Variants in NOA1 observed in about 807,000 individuals in gnomAD.
NOA1 encodes the protein nitric oxide associated 1.
A neutral mutation model predicts 58.4 loss-of-function variants in NOA1; 35 were observed. The observed-to-expected ratio is 0.60, with a 90% CI of 0.46 to 0.79. NOA1 has a LOEUF of 0.79. Ranked by LOEUF, NOA1 falls within the 30% of genes least tolerant of loss-of-function variation. NOA1 has a pLI of 0.00. For missense variants in NOA1, 895 were observed against 894.6 expected (o/e 1.00, Z -0.01); for synonymous variants, 397 against 373.4 (o/e 1.06, Z -0.73).
At chr4:56,972,143 C>T (rs530890342) in intron 3 of NOA1, among the ~76,000 whole-genome samples, 86 of 152,306 alleles carry the variant, frequency 5.6e-4, no homozygotes, top group African/African-American at 2.0e-3. Context: ...GCCTGGGCCT[C>T]CCAAAGTGCT....
rs753508779 is a variant in NOA1 at position 56,976,761 on chromosome 4, G to A, written c.825C>T (p.Ala275=). ...GGTGGCCAGGGGCCAGCAGGAGCCC[G>A]GCGCGGGCACAGTCCTCCCACAGTC... ...RERLWEDCAR[A]GLLLAPGHQG... Residue 275 remains alanine (A), a synonymous_variant, in exon 1 of 7, where the codon GCC becomes GCT. Transcript: ENST00000264230. The A allele has an allele frequency of 7.5e-6, 12 of 1,609,558 alleles. No homozygotes were observed. Among genetic ancestry groups the A allele is most frequent in the South Asian group, 2.2e-5 (2 of 90,930 alleles).
chr4:56,964,508 C>T lies in NOA1; in HGVS notation c.1783G>A (p.Glu595Lys), dbSNP rs771193413. ...TLLQIPMGGKERMAGFPPLVA... is the reference protein window; with the variant it reads ...TLLQIPMGGKKRMAGFPPLVA... Reference sequence around the variant, plus strand: ...AGAGGAGGAAATCCTGCCATTCGTTCTTTTCCACCCATTGGAATCTTCCAA... The same window carrying T: ...AGAGGAGGAAATCCTGCCATTCGTTTTTTTCCACCCATTGGAATCTTCCAA... The change falls in exon 6 of 7, where the codon GAA becomes AAA. Residue 595 changes from glutamate to lysine, a missense_variant. Transcript: ENST00000264230. 6.2e-7 allele frequency: 1 copy of T among 1,613,932 alleles called. No homozygotes were observed. Among genetic ancestry groups the T allele is most frequent in the Non-Finnish European group, 8.5e-7 (1 of 1,179,950 alleles).
chr4:56,975,638 G>C (rs563196636), intron 1 of NOA1, among the ~76,000 whole-genome samples: 2 of 152,134 alleles, frequency 1.3e-5, no homozygotes, highest in Non-Finnish European at 2.9e-5. Flanking sequence ...AGCACTTTGG[G>C]ATGCTGAGGC....
At chr4:56,967,363 G>C (rs1721732700) in intron 4 of NOA1, among the ~76,000 whole-genome samples, 2 of 150,246 alleles carry the variant, frequency 1.3e-5, no homozygotes, top group South Asian at 4.2e-4. Context: ...CTGGGCAACA[G>C]AGAGAGATGC....
In NOA1 at chr4:56,977,010, T is replaced by C; in HGVS notation, c.576A>G (p.Leu192=). ...CWLLSHHRRA[L]RLQVSREQYL... ...ACTGCTCGCGGCTCACCTGCAGGCG[T>C]AGAGCGCGCCGGTGGTGCGACAGCA... The change falls in exon 1 of 7, where the codon CTA becomes CTG. Residue 192 remains leucine, a synonymous_variant. Coordinates refer to ENST00000264230, the MANE Select transcript of NOA1 (RefSeq NM_032313.4). 1 of 1,592,648 alleles carries C rather than the reference T, an allele frequency of 6.3e-7. No individual in the cohort carries two copies. Among genetic ancestry groups the C allele is most frequent in the Non-Finnish European group, 8.5e-7 (1 of 1,174,464 alleles).
intron 1 of NOA1, among the ~76,000 whole-genome samples, chr4:56,975,412 C>T (rs923892845): frequency 1.3e-5 from 2 of 150,808 alleles, no homozygotes; most frequent in Non-Finnish European, 3.0e-5. Context: ...GGGCAGATCA[C>T]GTGAGGTCAG....
intron 5 of NOA1, among the ~76,000 whole-genome samples, chr4:56,965,399 C>A (rs1038341508): frequency 6.6e-6 from 1 of 151,970 alleles, no homozygotes; most frequent in Non-Finnish European, 1.5e-5. Flanking sequence ...TTTCTGCCCC[C>A]AAGGAAATCA....
At chr4:56,966,591 A>T (rs1721714401) in intron 5 of NOA1, 29 bp downstream of exon 5, 2 of 1,332,484 alleles carry the variant, frequency 1.5e-6, no homozygotes, top group South Asian at 2.3e-5. Context: ...TACTAACCAT[A>T]ACCATGCAAT....
chr4:56,970,102 C>T (rs1020894883), intron 3 of NOA1, among the ~76,000 whole-genome samples: 7 of 151,980 alleles, frequency 4.6e-5, no homozygotes, highest in African/African-American at 1.7e-4. Flanking sequence ...GAGTTTGAGA[C>T]CAGTCTGGGC....
intron 5 of NOA1, 145 bp from the exon 6 acceptor site, chr4:56,964,671 C>G: frequency 1.1e-6 from 1 of 914,480 alleles, no homozygotes; most frequent in Non-Finnish European, 1.6e-6. Context: ...AACTTGCAAT[C>G]ACTTCTGGGG....
intron 5 of NOA1, among the ~76,000 whole-genome samples, chr4:56,965,608 G>C (rs1275387414): frequency 6.6e-6 from 1 of 151,104 alleles, no homozygotes; most frequent in Non-Finnish European, 1.5e-5. Flanking sequence ...TTGGTGGAAA[G>C]ATATTTTCGG....
chr4:56,974,747 C>T (rs1721870164), intron 1 of NOA1, among the ~76,000 whole-genome samples: 1 of 151,740 alleles, frequency 6.6e-6, no homozygotes, highest in Admixed American at 6.6e-5. Flanking sequence ...GCGTCTTGCT[C>T]TGTTGCCCAG....
chr4:56,965,853 T>TTTTTTTTG (rs1560463381), intron 5 of NOA1, among the ~76,000 whole-genome samples: 3 of 148,264 alleles, frequency 2.0e-5, no homozygotes, highest in African/African-American at 5.0e-5. Flanking sequence ...TTTTTTTTTT[T>TTTTTTTTG]AGAGACAGGG....
At chr4:56,968,601 G>A in intron 3 of NOA1, 86 bp from the exon 4 acceptor site, 1 of 1,140,548 alleles carries the variant, frequency 8.8e-7, no homozygotes, top group Non-Finnish European at 1.2e-6. Context: ...AAAAAGTGAT[G>A]AAAAATATGC....
intron 5 of NOA1, among the ~76,000 whole-genome samples, chr4:56,965,968 C>A (rs1721696494): frequency 6.7e-6 from 1 of 148,558 alleles, no homozygotes; most frequent in African/African-American, 2.5e-5. Flanking sequence ...TCTCGAGGAG[C>A]TGGGATTACA....
At chr4:56,975,793 TG>T (rs1370456743) in intron 1 of NOA1, among the ~76,000 whole-genome samples, 1 of 152,176 alleles carries the variant, frequency 6.6e-6, no homozygotes, top group Non-Finnish European at 1.5e-5. Context: ...GGAGAATCAC[TG>T]GAACCCGGGA....
Position 56,964,464 on chromosome 4 carries a change from CATA to C in NOA1, c.1824_1826del (p.Ile608del), listed in dbSNP as rs746617263. On this transcript the variant is annotated inframe_deletion, in exon 6 of 7. Transcript: ENST00000264230. ...CAGATGCCCCCAGTCCTTCTTTTAA[CATA>C]ATGTCTTCAGCAACAAGAGGAGGAA... 4 of 1,614,138 alleles carry C rather than the reference CATA, an allele frequency of 2.5e-6. No individual in the cohort carries two copies. The highest frequency in any genetic ancestry group is 2.7e-5 in the African/African-American group (2 of 75,050).
chr4:56,969,783 GTTTT>G (rs1477169281), intron 3 of NOA1, among the ~76,000 whole-genome samples: 2 of 151,818 alleles, frequency 1.3e-5, no homozygotes, highest in African/African-American at 2.4e-5. Context: ...GAGCTCAGGA[GTTTT>G]TTTCTTTTTT....
At chr4:56,966,347 C>T (rs1398449753) in intron 5 of NOA1, among the ~76,000 whole-genome samples, 1 of 152,214 alleles carries the variant, frequency 6.6e-6, no homozygotes, top group Middle Eastern at 3.4e-3. Context: ...TTAATTGTCA[C>T]TAATATATTT....
Sources: gnomAD v4.1 joint callset for allele counts (sites outside exome capture counted in the v4.1 genomes callset) on GRCh38, gnomAD v4.1.1 for gene constraint, MANE v1.5 for transcripts, NCBI Gene and HGNC (gene_info 2026-07-23, HGNC 2026-07-21) for gene names.